PRDX4: variants seen among roughly 807,000 people sequenced by gnomAD.
The protein encoded by PRDX4 is peroxiredoxin 4.
A neutral mutation model predicts 20.5 loss-of-function variants in PRDX4; 12 were observed. The ratio of observed to expected loss-of-function variants is 0.58; its 90% confidence interval spans 0.37 to 0.95. The LOEUF is 0.95. PRDX4 is among the 40% of genes least tolerant of loss of function. PRDX4 has a pLI of 0.01. For synonymous variants in PRDX4, 99 were observed against 87.5 expected, an observed-to-expected ratio of 1.13 and a Z score of -0.73; for missense variants, 180 against 207.3, an observed-to-expected ratio of 0.87 and a Z score of 0.81.
intron 3 of PRDX4, among the ~76,000 whole-genome samples, chrX:23,677,671 A>G (rs892261511): frequency 1.8e-5 from 2 of 111,988 alleles, no homozygotes; most frequent in Non-Finnish European, 3.8e-5. Context: ...TCAAGGCTTT[A>G]TCTTATGATC....
intron 3 of PRDX4, among the ~76,000 whole-genome samples, chrX:23,678,764 A>G (rs1231766307): frequency 1.1e-4 from 12 of 111,357 alleles, no homozygotes; most frequent in African/African-American, 2.9e-4. Context: ...GCCACACCCC[A>G]TCTCTACAAA....
intron 1 of PRDX4, among the ~76,000 whole-genome samples, chrX:23,668,503 T>C (rs769083815): frequency 8.9e-6 from 1 of 112,697 alleles, no homozygotes; most frequent in African/African-American, 3.2e-5. Context: ...TTTGCATTTC[T>C]GTCCAGTGTA....
chrX:23,674,849 C>G, intron 2 of PRDX4, 141 bp from the exon 3 acceptor site: 1 of 825,817 alleles, frequency 1.2e-6, no homozygotes, highest in South Asian at 2.9e-5. Flanking sequence ...TTAGACTACT[C>G]CATTTTGAAA....
intron 3 of PRDX4, 86 bp from the exon 4 acceptor site, chrX:23,679,079 G>A: frequency 1.0e-6 from 1 of 964,757 alleles, no homozygotes; most frequent in Non-Finnish European, 1.4e-6. Flanking sequence ...TTTCATGTGT[G>A]TGCGTGTGCA....
At chrX:23,667,837 G>C in intron 1 of PRDX4, 26 bp downstream of exon 1, 1 of 1,205,992 alleles carries the variant, frequency 8.3e-7, no homozygotes, top group East Asian at 3.0e-5. Context: ...CCAAAGGGTG[G>C]GAGGGGAGAT....
chrX:23,686,015 A>G, intron 6 of PRDX4: 2 of 425,266 alleles, frequency 4.7e-6, no homozygotes, highest in Non-Finnish European at 8.9e-6. Context: ...AAACCTGAAG[A>G]TACCATGAAA....
chrX:23,670,468 GT>G (rs1453024350), intron 1 of PRDX4, among the ~76,000 whole-genome samples: 2 of 111,751 alleles, frequency 1.8e-5, no homozygotes, highest in African/African-American at 6.5e-5. Flanking sequence ...AGAAATTCAT[GT>G]TGTTTGTCTC....
rs184284413 is a variant in PRDX4, at chrX:23,671,195, G to A, written c.242-334G>A. 3.5e-3 allele frequency among the ~76,000 whole-genome samples: 391 copies of A among 111,978 alleles called. 2 individuals are homozygous for A. Among genetic ancestry groups the A allele is most frequent in the African/African-American group, 0.011 (353 of 30,917 alleles). The stretch of plus-strand genomic sequence containing the variant: ...TACATATGGTTATCGCAGGTATCCT[G>A]AAACACCATTTTCACTCATCATTAT... On this transcript the variant is annotated intron_variant, in intron 1 of 6. Coordinates refer to ENST00000379341, the MANE Select transcript of PRDX4 (RefSeq NM_006406.2).
chrX:23,676,232 A>G (rs1336416051), intron 3 of PRDX4, among the ~76,000 whole-genome samples: 3 of 110,688 alleles, frequency 2.7e-5, no homozygotes, highest in Admixed American at 9.7e-5. Flanking sequence ...TTGAAACACA[A>G]GCTTTTCTCA....
intron 3 of PRDX4, among the ~76,000 whole-genome samples, chrX:23,677,481 G>A (rs1186319537): frequency 9.0e-6 from 1 of 111,540 alleles, no homozygotes; most frequent in Non-Finnish European, 1.9e-5. Context: ...TACCAAAATC[G>A]GAAAAAATCC....
intron 3 of PRDX4, among the ~76,000 whole-genome samples, chrX:23,677,685 C>A (rs762453796): frequency 3.6e-5 from 4 of 111,741 alleles, no homozygotes; most frequent in Non-Finnish European, 5.6e-5. Context: ...TATGATCACA[C>A]TACTAAGGTT....
intron 3 of PRDX4, 151 bp downstream of exon 3, chrX:23,675,257 A>G: frequency 1.9e-6 from 2 of 1,034,466 alleles, no homozygotes; most frequent in South Asian, 5.5e-5. Flanking sequence ...GTAACTACAC[A>G]TTTTCCAGGT....
intron 5 of PRDX4, among the ~76,000 whole-genome samples, chrX:23,682,877 T>TATAA (rs1431021204): frequency 4.6e-5 from 3 of 65,535 alleles, no homozygotes; most frequent in African/African-American, 5.8e-5. Context: ...TATATATATA[T>TATAA]AAACTAATAT....
Position 23,681,225 on chromosome X carries a change from C to T in PRDX4, c.600-1171C>T, listed in dbSNP as rs1031699962. Among the ~76,000 whole-genome samples, 4 of 37,756 alleles carry T rather than the reference C, an allele frequency of 1.1e-4. No individual in the cohort carries two copies. In the Admixed American group the frequency reaches 1.3e-3, roughly 13 times the overall value. 32.8% of individuals were successfully genotyped at this position (37,756 alleles called of 115,157 possible). A position where few individuals can be genotyped will look rare whatever the true frequency, so the allele number is the denominator to read the frequency against. On this transcript the variant is annotated intron_variant, in intron 4 of 6. Transcript: ENST00000379341. ...TTCAGCCTGGGCGACAGCGAGACTC[C>T]GTCTCAAAAAAAAATAAATAAATAA...
chrX:23,676,858 C>T (rs1219583798), intron 3 of PRDX4, among the ~76,000 whole-genome samples: 2 of 109,565 alleles, frequency 1.8e-5, no homozygotes, highest in Non-Finnish European at 3.8e-5. Context: ...AAAAGAAAGA[C>T]AGGGTCTTAC....
chrX:23,682,910 C>CAA (rs1928117211), intron 5 of PRDX4, among the ~76,000 whole-genome samples: 1 of 77,855 alleles, frequency 1.3e-5, no homozygotes, highest in Non-Finnish European at 2.3e-5. Context: ...AAATGAGATG[C>CAA]AAAAATATTC....
chrX:23,682,877 T>A (rs1463690117), intron 5 of PRDX4, among the ~76,000 whole-genome samples: 6 of 65,516 alleles, frequency 9.2e-5, no homozygotes, highest in African/African-American at 2.3e-4. Context: ...TATATATATA[T>A]AAACTAATAT....
chrX:23,672,044 C>T (rs929248006), intron 2 of PRDX4, among the ~76,000 whole-genome samples: 1 of 111,934 alleles, frequency 8.9e-6, no homozygotes, highest in African/African-American at 3.2e-5. Context: ...AGGTGGATTA[C>T]AAGGTCAAGA....
At chrX:23,683,489 G>A (rs1310791827) in intron 5 of PRDX4, among the ~76,000 whole-genome samples, 182 bp from the exon 6 acceptor site, 5 of 111,176 alleles carry the variant, frequency 4.5e-5, no homozygotes, top group Non-Finnish European at 7.5e-5. Context: ...CTGCTTATGA[G>A]CTCCATGACT....
Sources: gnomAD v4.1 joint callset for allele counts (sites outside exome capture counted in the v4.1 genomes callset) on GRCh38, gnomAD v4.1.1 for gene constraint, MANE v1.5 for transcripts, NCBI Gene and HGNC (gene_info 2026-07-23, HGNC 2026-07-21) for gene names.